Variants in MTMR10 observed in about 807,000 individuals in gnomAD.
The protein encoded by MTMR10 is myotubularin related protein 10.
A neutral mutation model predicts 88.1 loss-of-function variants in MTMR10; 56 were observed. The ratio of observed to expected loss-of-function variants is 0.64; its 90% CI spans 0.51 to 0.79. MTMR10 has a LOEUF of 0.79. MTMR10 is among the 30% of genes least tolerant of loss of function. MTMR10 has a pLI of 0.00. For synonymous variants in MTMR10, 380 were observed against 340.9 expected (o/e 1.11, Z -1.26); for missense variants, 883 against 924.7 (o/e 0.95, Z 0.58).
chr15:30,930,605 C>T, the MTMR10 span: 1 of 1,612,806 alleles, frequency 6.2e-7, no homozygotes, highest in East Asian at 2.2e-5. Flanking sequence ...TGGCTGCTGA[C>T]TTTCGACACT....
the MTMR10 span, among the ~76,000 whole-genome samples, chr15:30,929,889 C>A: frequency 4.8e-4 from 33 of 68,800 alleles, 2 homozygotes; most frequent in East Asian, 3.3e-3. Context: ...TAATATATAT[C>A]ATATATAATA....
At chr15:30,980,192 T>C (rs1160057218) in intron 2 of MTMR10, among the ~76,000 whole-genome samples, 1 of 152,228 alleles carries the variant, frequency 6.6e-6, no homozygotes, top group Admixed American at 6.5e-5. Flanking sequence ...TGCAATGTTG[T>C]AGCCATTTCA....
At chr15:30,945,102 G>A (rs1381333898) in intron 14 of MTMR10, among the ~76,000 whole-genome samples, 2 of 151,888 alleles carry the variant, frequency 1.3e-5, no homozygotes, top group African/African-American at 4.8e-5. Flanking sequence ...ACACTACCTG[G>A]CCACTAGCAC....
At chr15:30,925,241 AAGCACCTCTTCCAGC>A in the MTMR10 span, 1 of 1,614,086 alleles carries the variant, frequency 6.2e-7, no homozygotes, top group Non-Finnish European at 8.5e-7. Flanking sequence ...TAAAAAGTTC[AAGCACCTCTTCCAGC>A]AGCTCCCAGA....
chr15:30,947,851 T>C lies in MTMR10; in HGVS notation c.1377+451A>G, dbSNP rs569422810. Among the ~76,000 whole-genome samples the C allele has an allele frequency of 2.4e-3, 365 of 152,292 alleles. 5 individuals are homozygous for C. Among genetic ancestry groups the C allele is most frequent in the African/African-American group, 8.3e-3 (347 of 41,568 alleles). ...TAAAAACTGATCTGACTGACCTGCC[T>C]GGCCGGTAAGATATTTGTAAGGCCT... On this transcript the variant is annotated intron_variant, in intron 13 of 15. Coordinates refer to ENST00000435680, the MANE Select transcript of MTMR10 (RefSeq NM_017762.3).
chr15:30,981,914 A>G (rs1203321600), intron 2 of MTMR10, among the ~76,000 whole-genome samples: 1 of 152,062 alleles, frequency 6.6e-6, no homozygotes, highest in Non-Finnish European at 1.5e-5. Context: ...TACTAAAAAC[A>G]CAAAAAATTA....
In MTMR10 at chr15:30,943,474, T is replaced by C; in HGVS notation, c.1549-402A>G. ...AAGTAGTTACCTGTTGGTAAGTGGA[T>C]TAACAAAATCTTTGGATGGAAATCA... On this transcript the variant is annotated intron_variant, in intron 14 of 15. Coordinates refer to ENST00000435680, the MANE Select transcript of MTMR10 (RefSeq NM_017762.3). The C allele has an allele frequency of 3.0e-6, 3 of 985,464 alleles. No individual in the cohort carries two copies. The South Asian group carries it at 1.4e-4, about 46-fold the overall frequency. The allele number at this position is 985,464 out of a possible 1,614,324, so 61.0% of individuals were successfully genotyped here. A position where few individuals can be genotyped will look rare whatever the true frequency, so the allele number is the denominator to read the frequency against.
Position 30,960,895 on chromosome 15 carries a change from G to A in MTMR10, c.744C>T (p.Tyr248=). Residue 248 remains tyrosine, a synonymous_variant, in exon 7 of 16, where the codon TAC becomes TAT. Transcript: ENST00000435680. ...ATTGTACTTACCAAGTGGATATCAT[G>A]TAACCCTCGTTAATAGAACAAACTC... ...GWRVCSINEG[Y]MISTCLPEYI... 1 of 1,607,740 alleles carries A rather than the reference G, an allele frequency of 6.2e-7. No individual in the cohort carries two copies. The highest frequency in any genetic ancestry group is 8.5e-7 in the Non-Finnish European group (1 of 1,175,296).
intron 5 of MTMR10, among the ~76,000 whole-genome samples, chr15:30,969,856 C>T (rs1395519648): frequency 1.3e-5 from 2 of 152,042 alleles, no homozygotes; most frequent in Non-Finnish European, 2.9e-5. Context: ...GCCATCTCCA[C>T]TGTCACACTC....
Position 30,961,051 on chromosome 15 carries a change from G to A in MTMR10, c.588C>T (p.Pro196=). 4 of 1,550,454 alleles carry A rather than the reference G, an allele frequency of 2.6e-6. No individual in the cohort carries two copies. Among genetic ancestry groups the A allele is most frequent in the Non-Finnish European group, 2.6e-6 (3 of 1,146,958 alleles). The change falls in exon 7 of 16, where the codon CCC becomes CCT. Residue 196 remains proline, a synonymous_variant. Coordinates refer to ENST00000435680, the MANE Select transcript of MTMR10 (RefSeq NM_017762.3). ...CTCCTCCTCCTCCTCCATCTCCTGA[G>A]GGAATTCCATTAATTTTGTTTGCTG... is the stretch of plus-strand genomic sequence containing the variant. ...HNSANKINGI[P]SGDGGGGGGG... is the part of the protein sequence containing the mutation.
intron 2 of MTMR10, among the ~76,000 whole-genome samples, chr15:30,979,630 T>C (rs2030419434): frequency 6.6e-6 from 1 of 151,968 alleles, no homozygotes; most frequent in Non-Finnish European, 1.5e-5. Flanking sequence ...GCAGAAGTAA[T>C]AACAGGAAGG....
chr15:30,927,717 G>T, the MTMR10 span: 2 of 985,638 alleles, frequency 2.0e-6, no homozygotes, highest in African/African-American at 3.5e-5. Flanking sequence ...GTGGGGAGAG[G>T]CATCCATGTG....
rs1422685628 is a variant in MTMR10 at position 30,941,338 on chromosome 15, A to G, written c.*132T>C. 1 of 1,534,286 alleles carries G rather than the reference A, an allele frequency of 6.5e-7. No homozygotes were observed. Among genetic ancestry groups the G allele is most frequent in the East Asian group, 2.4e-5 (1 of 40,838 alleles). Reference sequence around the variant, plus strand: ...AGAAGCATGATTCAACATGTTTTTAAATATTAGTGCAAATTCCAACTATTA... The same window carrying G: ...AGAAGCATGATTCAACATGTTTTTAGATATTAGTGCAAATTCCAACTATTA... On this transcript the variant is annotated 3_prime_UTR_variant, in exon 16 of 16. Coordinates refer to ENST00000435680, the MANE Select transcript of MTMR10 (RefSeq NM_017762.3).
chr15:30,957,065 G>T (rs1171002128), intron 9 of MTMR10, among the ~76,000 whole-genome samples: 1 of 152,172 alleles, frequency 6.6e-6, no homozygotes, highest in Non-Finnish European at 1.5e-5. Flanking sequence ...TTACGGTACA[G>T]TGGAAAAACC....
intron 5 of MTMR10, among the ~76,000 whole-genome samples, chr15:30,971,810 T>C (rs2063541564): frequency 6.6e-6 from 1 of 152,180 alleles, no homozygotes; most frequent in Non-Finnish European, 1.5e-5. Flanking sequence ...TTCTGCACCA[T>C]CAAATTCCTT....
chr15:30,973,528 T>C (rs2141046457), intron 5 of MTMR10, among the ~76,000 whole-genome samples: 1 of 152,268 alleles, frequency 6.6e-6, no homozygotes, highest in East Asian at 1.9e-4. Context: ...AAGGCACTCA[T>C]TGCTTGGTGG....
chr15:30,956,667 G>A (rs1316479370), intron 9 of MTMR10, among the ~76,000 whole-genome samples: 2 of 152,182 alleles, frequency 1.3e-5, no homozygotes, highest in East Asian at 1.9e-4. Context: ...GTTAGGAGAC[G>A]AGGTTGGACA....
In MTMR10 at chr15:30,975,135, T is replaced by C. The variant is rs914489972; in HGVS notation, c.259-132A>G. 70 of 624,790 alleles carry C rather than the reference T, an allele frequency of 1.1e-4. No homozygotes were observed. The Middle Eastern group carries it at 1.7e-3, about 15-fold the overall frequency. 38.7% of individuals were successfully genotyped at this position (624,790 alleles called of 1,614,324 possible). On this transcript the variant is annotated intron_variant, in intron 3 of 15. Coordinates refer to ENST00000435680, the MANE Select transcript of MTMR10 (RefSeq NM_017762.3). ...CACAAAAAGCTTTTGTCTAGGTAGC[T>C]AGGGCCATTCCAATGTTGACAGATA...
chr15:30,963,048 G>A (rs1451161750), intron 6 of MTMR10, among the ~76,000 whole-genome samples: 1 of 152,080 alleles, frequency 6.6e-6, no homozygotes, highest in Non-Finnish European at 1.5e-5. Flanking sequence ...AATCAAATAG[G>A]GCCTAGACTC....
Sources: gnomAD v4.1 joint callset for allele counts (sites outside exome capture counted in the v4.1 genomes callset) on GRCh38, gnomAD v4.1.1 for gene constraint, MANE v1.5 for transcripts, NCBI Gene and HGNC (gene_info 2026-07-23, HGNC 2026-07-21) for gene names.